TRIM61: variants seen among roughly 807,000 people sequenced by gnomAD.
TRIM61 encodes putative tripartite motif-containing protein 61.
TRIM61 carries 1 observed loss-of-function variant against 14.2 expected under a neutral mutation model. The ratio of observed to expected loss-of-function variants is 0.07; its 90% CI spans 0.03 to 0.33. The LOEUF is 0.33. TRIM61 is among the 10% of genes least tolerant of loss of function. The pLI, the probability that TRIM61 is intolerant of heterozygous loss-of-function variation, is 0.99. For synonymous variants in TRIM61, 8 were observed against 71.6 expected (o/e 0.11, Z 4.49); for missense variants, 19 against 202.2 (o/e 0.09, Z 5.49).
At chr4:164,961,935 T>A (rs558157000) in intron 3 of TRIM61, among the ~76,000 whole-genome samples, 2 of 152,358 alleles carry the variant, frequency 1.3e-5, no homozygotes, top group African/African-American at 4.8e-5. Flanking sequence ...TAGCTTATTG[T>A]ACCTGTAAGC....
intron 3 of TRIM61, among the ~76,000 whole-genome samples, chr4:164,960,694 TA>T (rs1173992042): frequency 2.6e-5 from 4 of 152,192 alleles, no homozygotes. Context: ...GTCATGCCCA[TA>T]ATCCCATCAC....
intron 3 of TRIM61, chr4:164,959,172 TAA>T (rs993621151): frequency 1.2e-5 from 2 of 166,950 alleles, no homozygotes; most frequent in African/African-American, 4.8e-5. Flanking sequence ...TGCTCATCTC[TAA>T]AGTTCCTTTC....
intron 2 of TRIM61, among the ~76,000 whole-genome samples, chr4:164,974,032 T>C (rs2111153283): frequency 6.6e-6 from 1 of 152,276 alleles, no homozygotes; most frequent in East Asian, 1.9e-4. Context: ...TAGCTGGCAG[T>C]GGTGGCGCAT....
chr4:164,970,117 AT>A lies in TRIM61; in HGVS notation c.-116del. 9.5e-7 allele frequency: 1 copy of A among 1,054,682 alleles called. No homozygotes were observed. Among genetic ancestry groups the A allele is most frequent in the Non-Finnish European group, 1.3e-6 (1 of 742,652 alleles). The allele number at this position is 1,054,682 out of a possible 1,614,324, so 65.3% of individuals were successfully genotyped here. On this transcript the variant is annotated 5_prime_UTR_variant, in exon 3 of 5. Transcript: ENST00000329314. Reference sequence around the variant, plus strand: ...TATACTCCCCAGACCTTGAAATCTGATCAACTATCAGTTTTACTGACTTGGC... The same window carrying A: ...TATACTCCCCAGACCTTGAAATCTGACAACTATCAGTTTTACTGACTTGGC...
At chr4:164,964,221 G>T (rs576661646) in intron 3 of TRIM61, among the ~76,000 whole-genome samples, 2 of 151,556 alleles carry the variant, frequency 1.3e-5, no homozygotes, top group East Asian at 1.9e-4. Flanking sequence ...GGTGGTGGGC[G>T]CATGTAGTCC....
intron 2 of TRIM61, among the ~76,000 whole-genome samples, chr4:164,976,252 A>C (rs931587586): frequency 6.6e-6 from 1 of 152,212 alleles, no homozygotes; most frequent in African/African-American, 2.4e-5. Context: ...GGTCCTTGGT[A>C]TGCTGAGCGC....
intron 2 of TRIM61, among the ~76,000 whole-genome samples, chr4:164,973,061 C>T (rs1046641500): frequency 6.6e-5 from 10 of 152,306 alleles, no homozygotes; most frequent in Middle Eastern, 3.4e-3. Context: ...GATTACCCTA[C>T]CCTCACTTCT....
chr4:164,970,681 A>G (rs1732345616), intron 2 of TRIM61, among the ~76,000 whole-genome samples: 1 of 152,128 alleles, frequency 6.6e-6, no homozygotes, highest in Non-Finnish European at 1.5e-5. Context: ...TGTCAATGTC[A>G]GGAAAAACAA....
At chr4:164,968,709 A>C in intron 3 of TRIM61, 4 of 984,342 alleles carry the variant, frequency 4.1e-6, no homozygotes, top group Non-Finnish European at 4.8e-6. Context: ...CTATCATTCA[A>C]ATTATAAAAG....
chr4:164,971,493 AG>A (rs1732363604), intron 2 of TRIM61, among the ~76,000 whole-genome samples: 1 of 151,712 alleles, frequency 6.6e-6, no homozygotes, highest in South Asian at 2.1e-4. Context: ...CAGGAGGCTG[AG>A]GCAGGAGAAT....
chr4:164,974,382 T>A (rs1444834903), intron 2 of TRIM61, among the ~76,000 whole-genome samples: 1 of 152,210 alleles, frequency 6.6e-6, no homozygotes, highest in African/African-American at 2.4e-5. Flanking sequence ...TATTGGCAAG[T>A]TCAGCATCCA....
intron 2 of TRIM61, among the ~76,000 whole-genome samples, chr4:164,971,025 C>T (rs376328851): frequency 6.6e-6 from 1 of 151,962 alleles, no homozygotes; most frequent in Non-Finnish European, 1.5e-5. Flanking sequence ...CACTGGAACC[C>T]GGGAGGCAGA....
chr4:164,955,985 GAA>G (rs1256260875), intron 3 of TRIM61, among the ~76,000 whole-genome samples: 1 of 152,216 alleles, frequency 6.6e-6, no homozygotes, highest in Admixed American at 6.5e-5. Flanking sequence ...GCGGCTCAAA[GAA>G]AAGAGTAAGA....
In TRIM61 at chr4:164,970,048, G is replaced by C; in HGVS notation, c.-46C>G. ...TAGGTAAGGTAATTCTTTTATTTTAGCAAGGCCTAGCTCTCTAGAGCTCAA... is the reference window on the plus strand; with the variant it reads ...TAGGTAAGGTAATTCTTTTATTTTACCAAGGCCTAGCTCTCTAGAGCTCAA... On this transcript the variant is annotated 5_prime_UTR_variant, in exon 3 of 5. Coordinates refer to ENST00000329314, the MANE Select transcript of TRIM61 (RefSeq NM_001012414.3). The C allele has an allele frequency of 1.9e-6, 3 of 1,609,508 alleles. No individual in the cohort carries two copies. Among genetic ancestry groups the C allele is most frequent in the Non-Finnish European group, 2.5e-6 (3 of 1,177,630 alleles).
chr4:164,954,584 C>CATTT lies in TRIM61; in HGVS notation c.*200_*201insAAAT, dbSNP rs1186745993. ...GTATTAATTAGCATATTTATATGTA[C>CATTT]ATATTATACAGAAATACATATAATT... On this transcript the variant is annotated 3_prime_UTR_variant, in exon 5 of 5. Transcript: ENST00000329314. 2 of 152,114 alleles carry CATTT rather than the reference C, an allele frequency of 1.3e-5. No homozygotes were observed. The highest frequency in any genetic ancestry group is 4.8e-5 in the African/African-American group (2 of 41,496). 9.4% of individuals were successfully genotyped at this position (152,114 alleles called of 1,614,324 possible). A position where few individuals can be genotyped will look rare whatever the true frequency, so the allele number is the denominator to read the frequency against.
chr4:164,969,347 C>A, intron 3 of TRIM61: 2 of 1,533,310 alleles, frequency 1.3e-6, no homozygotes, highest in Non-Finnish European at 1.7e-6. Context: ...TTTTGTTAGG[C>A]TTTCATTTAG....
intron 3 of TRIM61, chr4:164,957,091 C>A: frequency 6.4e-7 from 1 of 1,559,504 alleles, no homozygotes; most frequent in Admixed American, 1.9e-5. Flanking sequence ...GGAGAGCCAG[C>A]CCTGCAGGGT....
At chr4:164,963,701 G>T (rs1278103551) in intron 3 of TRIM61, among the ~76,000 whole-genome samples, 1 of 148,774 alleles carries the variant, frequency 6.7e-6, no homozygotes, top group Non-Finnish European at 1.5e-5. Flanking sequence ...CCGAGATTGT[G>T]CCATTGCACT....
At chr4:164,968,283 C>T (rs1223762144) in intron 3 of TRIM61, 31 of 958,188 alleles carry the variant, frequency 3.2e-5, no homozygotes, top group Non-Finnish European at 3.7e-5. Flanking sequence ...ATAAGAAATA[C>T]AGAAAAAAAT....
Sources: allele counts gnomAD v4.1 joint callset (sites outside exome capture counted in the v4.1 genomes callset), GRCh38; gene constraint gnomAD v4.1.1; transcripts MANE v1.5; gene names NCBI Gene and HGNC (gene_info 2026-07-23, HGNC 2026-07-21).